The following SSBP2 variants were observed in gnomAD, a reference collection of about 807,000 sequenced individuals.
SSBP2 encodes the protein single-stranded DNA-binding protein 2.
In SSBP2, 17 loss-of-function variants were observed where a neutral mutation model predicts 61.8. The ratio of observed to expected loss-of-function variants is 0.28; its 90% confidence interval spans 0.19 to 0.41. The LOEUF (loss-of-function observed/expected upper bound fraction) is 0.41. Ranked by LOEUF, SSBP2 falls within the 10% of genes least tolerant of loss-of-function variation. The probability of loss-of-function intolerance (pLI) is 1.00; values close to 1 mark genes in which losing one functional copy is unlikely to be tolerated. For missense variants in SSBP2, 310 were observed against 458.7 expected, an observed-to-expected ratio of 0.68 and a Z score of 2.96; for synonymous variants, 139 against 141.3, an observed-to-expected ratio of 0.98 and a Z score of 0.12.
At chr5:81,428,723 T>C in intron 15 of SSBP2, 40 bp from the exon 16 acceptor site, 1 of 1,476,580 alleles carries the variant, frequency 6.8e-7, no homozygotes, top group Non-Finnish European at 9.4e-7. Context: ...TGTTGAAAAT[T>C]TTAATTTCCC....
intron 1 of SSBP2, among the ~76,000 whole-genome samples, chr5:81,686,897 AG>A: frequency 6.7e-6 from 1 of 150,202 alleles, no homozygotes. Flanking sequence ...AGAAAAGAAA[AG>A]AAAAGAAAAG....
chr5:81,696,285 T>C (rs898444239), intron 1 of SSBP2, among the ~76,000 whole-genome samples: 4 of 152,212 alleles, frequency 2.6e-5, no homozygotes, highest in Non-Finnish European at 4.4e-5. Flanking sequence ...TATATATACC[T>C]GTCTCCAAGT....
intron 1 of SSBP2, among the ~76,000 whole-genome samples, chr5:81,739,380 C>T (rs1451218677): frequency 1.3e-5 from 2 of 152,044 alleles, no homozygotes; most frequent in Admixed American, 6.6e-5. Context: ...CCCCATCTTC[C>T]ACTTTGACTA....
chr5:81,666,408 T>C (rs1751140758), intron 1 of SSBP2, among the ~76,000 whole-genome samples: 1 of 152,152 alleles, frequency 6.6e-6, no homozygotes. Context: ...AAAGTACTAC[T>C]TTGCTGATGT....
chr5:81,571,187 T>C (rs1274007199), intron 4 of SSBP2, among the ~76,000 whole-genome samples: 1 of 152,232 alleles, frequency 6.6e-6, no homozygotes, highest in Non-Finnish European at 1.5e-5. Flanking sequence ...ATTACAACAT[T>C]TACTTAGATT....
intron 1 of SSBP2, among the ~76,000 whole-genome samples, chr5:81,735,037 G>A (rs1756509598): frequency 6.6e-6 from 1 of 150,602 alleles, no homozygotes; most frequent in Non-Finnish European, 1.5e-5. Flanking sequence ...CCTCACTGCC[G>A]ATTTTAAATG....
chr5:81,548,726 C>T (rs974941510), intron 4 of SSBP2, among the ~76,000 whole-genome samples: 2 of 151,998 alleles, frequency 1.3e-5, no homozygotes, highest in Non-Finnish European at 2.9e-5. Context: ...ATCAAGACCA[C>T]CCTGGCTAAC....
At chr5:81,428,458 C>G in intron 16 of SSBP2, 127 bp downstream of exon 16, 1 of 626,056 alleles carries the variant, frequency 1.6e-6, no homozygotes, top group Non-Finnish European at 2.7e-6. Flanking sequence ...CTTAAAGTTT[C>G]TCTTATCTAA....
chr5:81,575,212 G>C (rs1774116943), intron 4 of SSBP2, among the ~76,000 whole-genome samples: 1 of 152,182 alleles, frequency 6.6e-6, no homozygotes, highest in African/African-American at 2.4e-5. Flanking sequence ...AGGTTGCAGT[G>C]AGCTGAGATC....
chr5:81,728,191 T>C (rs933615125), intron 1 of SSBP2, among the ~76,000 whole-genome samples: 18 of 152,238 alleles, frequency 1.2e-4, no homozygotes, highest in African/African-American at 4.3e-4. Flanking sequence ...AGATAGATAA[T>C]GTAAATGCAA....
chr5:81,431,598 T>G (rs1249708933), intron 15 of SSBP2, among the ~76,000 whole-genome samples: 1 of 152,038 alleles, frequency 6.6e-6, no homozygotes, highest in Non-Finnish European at 1.5e-5. Context: ...CTTCTCTCTT[T>G]TTTTTTTTGA....
chr5:81,501,410 T>C (rs962987698), intron 5 of SSBP2, among the ~76,000 whole-genome samples: 6 of 149,586 alleles, frequency 4.0e-5, no homozygotes, highest in East Asian at 2.0e-4. Context: ...ATTTGTAGAA[T>C]ACAAAAATGA....
chr5:81,748,572 G>A (rs2154030826), intron 1 of SSBP2, among the ~76,000 whole-genome samples: 1 of 152,182 alleles, frequency 6.6e-6, no homozygotes, highest in East Asian at 1.9e-4. Context: ...CATTAACCTA[G>A]AAATTAATGC....
intron 10 of SSBP2, among the ~76,000 whole-genome samples, chr5:81,452,269 T>C (rs1385285159): frequency 6.6e-6 from 1 of 152,154 alleles, no homozygotes; most frequent in Non-Finnish European, 1.5e-5. Flanking sequence ...CATGTTCAAA[T>C]GTATGTTTTT....
rs140842515 is a variant in SSBP2, at chr5:81,665,532, C to T, written c.63-15193G>A. 3.9e-3 allele frequency among the ~76,000 whole-genome samples: 590 copies of T among 152,234 alleles called. 4 individuals carry two copies. Among genetic ancestry groups the T allele is most frequent in the African/African-American group, 0.013 (534 of 41,542 alleles). ...TAATTGAGACAGAGTCTCACTCTGT[C>T]GCCCAGGCTGGAGTGCAGTGGCGCA... is the stretch of plus-strand genomic sequence containing the variant. On this transcript the variant is annotated intron_variant, in intron 1 of 16. Coordinates refer to ENST00000320672, the MANE Select transcript of SSBP2 (RefSeq NM_012446.5).
intron 3 of SSBP2, among the ~76,000 whole-genome samples, chr5:81,632,073 A>G (rs1747779851): frequency 6.6e-6 from 1 of 152,150 alleles, no homozygotes; most frequent in Admixed American, 6.5e-5. Flanking sequence ...TAATCCAACC[A>G]TATTAAAACA....
intron 6 of SSBP2, among the ~76,000 whole-genome samples, chr5:81,479,136 T>C (rs1765799906): frequency 6.6e-6 from 1 of 152,214 alleles, no homozygotes; most frequent in South Asian, 2.1e-4. Flanking sequence ...GATAGTAGCT[T>C]TGCGCATCAA....
chr5:81,688,306 G>A (rs952130537), intron 1 of SSBP2, among the ~76,000 whole-genome samples: 7 of 152,224 alleles, frequency 4.6e-5, no homozygotes, highest in Non-Finnish European at 1.0e-4. Context: ...GGCCCTGGCT[G>A]CTGAATGGCA....
At chr5:81,616,438 C>G (rs1581175816) in intron 3 of SSBP2, 1 of 152,294 alleles carries the variant, frequency 6.6e-6, no homozygotes, top group South Asian at 2.1e-4. Context: ...CCACACCTGG[C>G]TCCGAGGGTC....
Sources: allele counts gnomAD v4.1 joint callset (sites outside exome capture counted in the v4.1 genomes callset), GRCh38; gene constraint gnomAD v4.1.1; transcripts MANE v1.5; gene names NCBI Gene and HGNC (gene_info 2026-07-23, HGNC 2026-07-21).